Variants in VPS53 observed in about 807,000 individuals in gnomAD.
VPS53 encodes the protein vacuolar protein sorting-associated protein 53 homolog.
Under a neutral mutation model 107.0 loss-of-function variants are expected in VPS53, and 70 were observed. The observed-to-expected ratio is 0.65, with a 90% confidence interval of 0.54 to 0.80. The LOEUF (loss-of-function observed/expected upper bound fraction) is 0.80. VPS53 is among the 30% of genes least tolerant of loss of function. The probability of loss-of-function intolerance (pLI) is 0.00; values close to 1 mark genes in which losing one functional copy is unlikely to be tolerated. For synonymous variants in VPS53, 409 were observed against 393.3 expected, an observed-to-expected ratio of 1.04 and a Z score of -0.47; for missense variants, 917 against 1,049.4, an observed-to-expected ratio of 0.87 and a Z score of 1.74.
intron 13 of VPS53, among the ~76,000 whole-genome samples, chr17:581,164 C>T (rs1966995346): frequency 6.6e-6 from 1 of 150,572 alleles, no homozygotes; most frequent in East Asian, 2.0e-4. Context: ...AAAGCTAGTG[C>T]GTTCGCAGAG....
At chr17:700,152 GGATA>G (rs1372619637) in intron 2 of VPS53, among the ~76,000 whole-genome samples, 1 of 152,098 alleles carries the variant, frequency 6.6e-6, no homozygotes, top group Non-Finnish European at 1.5e-5. Context: ...AAGTCTGGAA[GGATA>G]GATAGGAGTA....
chr17:554,294 G>A (rs570540610), intron 15 of VPS53, among the ~76,000 whole-genome samples: 11 of 152,288 alleles, frequency 7.2e-5, no homozygotes, highest in East Asian at 5.8e-4. Context: ...CGCTCCTGGC[G>A]CTCAAAGAAA....
chr17:707,959 C>G (rs1311051152), intron 2 of VPS53, among the ~76,000 whole-genome samples: 2 of 152,158 alleles, frequency 1.3e-5, no homozygotes, highest in Non-Finnish European at 2.9e-5. Context: ...GATCCTTGCT[C>G]TCCCTCCTCA....
chr17:657,830 C>T (rs901036084), intron 5 of VPS53, among the ~76,000 whole-genome samples: 7 of 150,842 alleles, frequency 4.6e-5, no homozygotes, highest in Non-Finnish European at 1.0e-4. Context: ...CCGTTGAGGT[C>T]GTGGATAGAT....
intron 7 of VPS53, among the ~76,000 whole-genome samples, chr17:648,422 G>A (rs1451392646): frequency 6.6e-6 from 1 of 152,028 alleles, no homozygotes; most frequent in Non-Finnish European, 1.5e-5. Context: ...TGGGTGGTGG[G>A]CGCCTGTAGT....
rs1180579728 is a variant in VPS53, at chr17:537,150, A to T, written c.1893T>A (p.Val631=). Residue 631 remains valine (V), a synonymous_variant, in exon 18 of 22, where the codon GTT becomes GTA. Transcript: ENST00000437048. ...AGGTGACGTAGGGGCTCTGGTCACCAACGTGCTCCACGTTCTGCCACTGCA... is the reference window on the plus strand; with the variant it reads ...AGGTGACGTAGGGGCTCTGGTCACCTACGTGCTCCACGTTCTGCCACTGCA... ...SKMQWQNVEH[V]GDQSPYVTSV... The T allele has an allele frequency of 6.2e-7, 1 of 1,614,134 alleles. No individual in the cohort carries two copies. The highest frequency in any genetic ancestry group is 8.5e-7 in the Non-Finnish European group (1 of 1,180,030).
intron 17 of VPS53, among the ~76,000 whole-genome samples, chr17:546,563 T>A (rs1018726012): frequency 5.9e-5 from 9 of 152,132 alleles, no homozygotes; most frequent in Non-Finnish European, 1.3e-4. Flanking sequence ...AACATTTAAT[T>A]CTCATTTCTT....
chr17:583,448 A>C (rs1184289714), intron 13 of VPS53, among the ~76,000 whole-genome samples: 1 of 150,080 alleles, frequency 6.7e-6, no homozygotes, highest in East Asian at 2.0e-4. Context: ...TCAGAACCTC[A>C]ATGCGTTCCC....
At chr17:627,588 A>G (rs895282683) in intron 9 of VPS53, among the ~76,000 whole-genome samples, 2 of 152,164 alleles carry the variant, frequency 1.3e-5, no homozygotes, top group African/African-American at 2.4e-5. Flanking sequence ...CAGCCTGACC[A>G]ACATGGAGAA....
At chr17:584,583 T>C (rs1357996486) in intron 13 of VPS53, among the ~76,000 whole-genome samples, 1 of 152,222 alleles carries the variant, frequency 6.6e-6, no homozygotes, top group Admixed American at 6.5e-5. Context: ...CTGGGTGGCA[T>C]AGTGACGGCT....
At chr17:683,570 G>C (rs189576744) in intron 4 of VPS53, among the ~76,000 whole-genome samples, 1 of 152,304 alleles carries the variant, frequency 6.6e-6, no homozygotes, top group African/African-American at 2.4e-5. Flanking sequence ...TCAGATCTAA[G>C]GAGATAAAAA....
At chr17:688,586 C>T (rs1025614835) in intron 4 of VPS53, among the ~76,000 whole-genome samples, 2 of 152,186 alleles carry the variant, frequency 1.3e-5, no homozygotes, top group Admixed American at 1.3e-4. Context: ...TATGAGTCCC[C>T]GCCTCAACTA....
At chr17:618,291 C>T (rs1969250880) in intron 11 of VPS53, among the ~76,000 whole-genome samples, 1 of 93,524 alleles carries the variant, frequency 1.1e-5, no homozygotes, top group Non-Finnish European at 2.5e-5. Flanking sequence ...GCTGGGACTA[C>T]AGGCGTGCGC....
intron 19 of VPS53, among the ~76,000 whole-genome samples, chr17:526,260 T>C (rs981368564): frequency 1.3e-5 from 2 of 152,182 alleles, no homozygotes; most frequent in Admixed American, 6.6e-5. Context: ...TTAAAGCATA[T>C]GGAGATATTT....
intron 9 of VPS53, among the ~76,000 whole-genome samples, chr17:627,722 C>T (rs1969773944): frequency 6.6e-6 from 1 of 152,044 alleles, no homozygotes; most frequent in Non-Finnish European, 1.5e-5. Context: ...TTGCAGTAAA[C>T]TGAGATCGCA....
At chr17:583,180 C>T (rs1967136196) in intron 13 of VPS53, among the ~76,000 whole-genome samples, 1 of 150,786 alleles carries the variant, frequency 6.6e-6, no homozygotes, top group African/African-American at 2.5e-5. Flanking sequence ...GAACTTCCCT[C>T]AGAACCTAAT....
At chr17:625,608 C>G (rs1387682173) in intron 10 of VPS53, among the ~76,000 whole-genome samples, 1 of 152,140 alleles carries the variant, frequency 6.6e-6, no homozygotes, top group Non-Finnish European at 1.5e-5. Context: ...ATGCATCGCT[C>G]TGGCGGAAGG....
At position 714,738 on chromosome 17, in the gene VPS53, G is replaced by A. The variant is rs573650076; in HGVS notation, c.-29C>T. 100 of 1,612,104 alleles carry A rather than the reference G, an allele frequency of 6.2e-5. 1 individual carries two copies. In the South Asian group the frequency reaches 1.0e-3, roughly 17 times the overall value. ...GCCACCCGGCCCCCTGCCGACCCCC[G>A]CCGCGAGCCCAACTCAGGCCTCCAG... is the stretch of plus-strand genomic sequence containing the variant. On this transcript the variant is annotated 5_prime_UTR_variant, in exon 1 of 22. Transcript: ENST00000437048.
At chr17:677,669 AACAG>A (rs1972223165) in intron 4 of VPS53, among the ~76,000 whole-genome samples, 1 of 152,166 alleles carries the variant, frequency 6.6e-6, no homozygotes, top group Admixed American at 6.5e-5. Context: ...AAAACCACTG[AACAG>A]TATACTTTAA....
Sources: gnomAD v4.1 joint callset for allele counts (sites outside exome capture counted in the v4.1 genomes callset) on GRCh38, gnomAD v4.1.1 for gene constraint, MANE v1.5 for transcripts, NCBI Gene and HGNC (gene_info 2026-07-23, HGNC 2026-07-21) for gene names.